CYP7B1: variants seen among roughly 807,000 people sequenced by gnomAD.
CYP7B1 encodes cytochrome P450 family 7 subfamily B member 1, also known as cytochrome P450 7B1.
A neutral mutation model predicts 42.7 loss-of-function variants in CYP7B1; 29 were observed. That is an observed-to-expected ratio of 0.68 (90% CI 0.51 to 0.93). The LOEUF (loss-of-function observed/expected upper bound fraction) is 0.93. Among genes scored for constraint, CYP7B1 ranks in the 40% least tolerant of loss-of-function variants. The pLI is 0.00. For synonymous variants in CYP7B1, 235 were observed against 218.2 expected (o/e 1.08, Z -0.68); for missense variants, 655 against 600.5 (o/e 1.09, Z -0.95).
chr8:64,650,970 T>C (rs1429726048), intron 1 of CYP7B1, among the ~76,000 whole-genome samples: 1 of 152,190 alleles, frequency 6.6e-6, no homozygotes, highest in Non-Finnish European at 1.5e-5. Flanking sequence ...TCATTGGGTG[T>C]ATAAAATGTA....
At chr8:64,647,352 A>T (rs1199027464) in intron 1 of CYP7B1, among the ~76,000 whole-genome samples, 3 of 152,212 alleles carry the variant, frequency 2.0e-5, no homozygotes, top group South Asian at 4.1e-4. Flanking sequence ...TCAAAATGTG[A>T]CACAAAGATA....
At chr8:64,690,449 AT>A (rs202167564) in intron 1 of CYP7B1, among the ~76,000 whole-genome samples, 1 of 151,818 alleles carries the variant, frequency 6.6e-6, no homozygotes, top group Admixed American at 6.6e-5. Context: ...GATGTTGTGT[AT>A]TTTTTTTGGA....
intron 1 of CYP7B1, among the ~76,000 whole-genome samples, chr8:64,639,949 C>T (rs1261326461): frequency 1.3e-5 from 2 of 151,800 alleles, no homozygotes; most frequent in Non-Finnish European, 2.9e-5. Flanking sequence ...AAGAAATGAA[C>T]TGGAAAAGAA....
chr8:64,618,490 T>C (rs953190510), intron 2 of CYP7B1, among the ~76,000 whole-genome samples: 1 of 152,132 alleles, frequency 6.6e-6, no homozygotes, highest in Admixed American at 6.5e-5. Flanking sequence ...CTACCTGTTA[T>C]TGGGCCTACT....
intron 1 of CYP7B1, among the ~76,000 whole-genome samples, chr8:64,792,966 T>A (rs1804644996): frequency 6.6e-6 from 1 of 152,134 alleles, no homozygotes. Context: ...GAGGATATTA[T>A]CCTAAACTAC....
Position 64,625,571 on chromosome 8 carries a change from A to G in CYP7B1, c.123-1032T>C, listed in dbSNP as rs544497973. Among the ~76,000 whole-genome samples the G allele has an allele frequency of 7.2e-5, 11 of 152,348 alleles. No individual in the cohort carries two copies. The South Asian group carries it at 2.3e-3, about 32-fold the overall frequency. ...GTCATGTTATAAATGCTGCTTGATCAGTTTCATCAATGAGACCTAAACTTA... is the reference window on the plus strand; with the variant it reads ...GTCATGTTATAAATGCTGCTTGATCGGTTTCATCAATGAGACCTAAACTTA... On this transcript the variant is annotated intron_variant, in intron 1 of 5. Coordinates refer to ENST00000310193, the MANE Select transcript of CYP7B1 (RefSeq NM_004820.5).
intron 2 of CYP7B1, among the ~76,000 whole-genome samples, chr8:64,624,200 G>C (rs947504820): frequency 6.6e-6 from 1 of 151,748 alleles, no homozygotes; most frequent in Non-Finnish European, 1.5e-5. Flanking sequence ...GGTTCCCTAA[G>C]TACCATGAAG....
chr8:64,708,379 T>C (rs1016494104), intron 1 of CYP7B1, among the ~76,000 whole-genome samples: 2 of 152,188 alleles, frequency 1.3e-5, no homozygotes, highest in Non-Finnish European at 2.9e-5. Flanking sequence ...TCAGCCAATA[T>C]GTCACCACCT....
At chr8:64,709,450 T>G (rs1459452509) in intron 1 of CYP7B1, among the ~76,000 whole-genome samples, 1 of 152,176 alleles carries the variant, frequency 6.6e-6, no homozygotes, top group Non-Finnish European at 1.5e-5. Flanking sequence ...TAAGAAGAAT[T>G]AAATATGTAT....
At chr8:64,609,248 A>C (rs560398092) in intron 4 of CYP7B1, among the ~76,000 whole-genome samples, 1 of 152,232 alleles carries the variant, frequency 6.6e-6, no homozygotes, top group Admixed American at 6.5e-5. Context: ...TCCAATAATT[A>C]ACATATGCAA....
chr8:64,776,633 G>C (rs1381072224), intron 1 of CYP7B1, among the ~76,000 whole-genome samples: 1 of 152,088 alleles, frequency 6.6e-6, no homozygotes, highest in Non-Finnish European at 1.5e-5. Context: ...AAGGGGTGGG[G>C]TTTAGCATAT....
intron 4 of CYP7B1, among the ~76,000 whole-genome samples, chr8:64,614,335 G>C (rs548423092): frequency 2.8e-4 from 42 of 152,236 alleles, no homozygotes; most frequent in Non-Finnish European, 5.0e-4. Flanking sequence ...AAACATACTT[G>C]AAATAGTGAC....
At position 64,594,161 on chromosome 8, in the gene CYP7B1, G is replaced by A. The variant is rs1770521857; in HGVS notation, c.*2481C>T. On this transcript the variant is annotated 3_prime_UTR_variant, in exon 6 of 6. Transcript: ENST00000310193. Reference sequence around the variant, plus strand: ...ACAAGGCATTTAGCAGCCCTGGGCTGAGATGGTTAGGCACAGTAGTGTGAG... The same window carrying A: ...ACAAGGCATTTAGCAGCCCTGGGCTAAGATGGTTAGGCACAGTAGTGTGAG... 6.6e-6 allele frequency among the ~76,000 whole-genome samples: 1 copy of A among 152,164 alleles called. No individual in the cohort carries two copies. Among genetic ancestry groups the A allele is most frequent in the Non-Finnish European group, 1.5e-5 (1 of 68,024 alleles).
chr8:64,685,540 G>A (rs1806614229), intron 1 of CYP7B1, among the ~76,000 whole-genome samples: 2 of 34,840 alleles, frequency 5.7e-5, no homozygotes, highest in African/African-American at 9.5e-5. Context: ...TGTGAGGAGC[G>A]CCTCTGCCCG....
At chr8:64,604,464 A>G (rs958868350) in intron 5 of CYP7B1, among the ~76,000 whole-genome samples, 1 of 152,198 alleles carries the variant, frequency 6.6e-6, no homozygotes, top group Non-Finnish European at 1.5e-5. Flanking sequence ...TAGTCTCATC[A>G]CTGTATTTCT....
At chr8:64,659,830 T>C (rs1469867591) in intron 1 of CYP7B1, among the ~76,000 whole-genome samples, 2 of 152,134 alleles carry the variant, frequency 1.3e-5, no homozygotes, top group Non-Finnish European at 2.9e-5. Context: ...AGTTATCCAA[T>C]AGGCAACAAA....
At chr8:64,760,846 T>G (rs186637632) in intron 1 of CYP7B1, among the ~76,000 whole-genome samples, 2 of 152,246 alleles carry the variant, frequency 1.3e-5, no homozygotes, top group East Asian at 3.9e-4. Flanking sequence ...ATCCCAATAC[T>G]GTGTATATAT....
chr8:64,716,335 T>C (rs1807153895), intron 1 of CYP7B1, among the ~76,000 whole-genome samples: 1 of 152,250 alleles, frequency 6.6e-6, no homozygotes, highest in African/African-American at 2.4e-5. Flanking sequence ...TGTTTCATAG[T>C]TTTTATCCAA....
At chr8:64,670,073 T>C (rs904398000) in intron 1 of CYP7B1, among the ~76,000 whole-genome samples, 3 of 152,218 alleles carry the variant, frequency 2.0e-5, no homozygotes, top group Admixed American at 6.5e-5. Context: ...AAGGACACAA[T>C]TGGCTTAATG....
Sources: allele counts gnomAD v4.1 joint callset (sites outside exome capture counted in the v4.1 genomes callset), GRCh38; gene constraint gnomAD v4.1.1; transcripts MANE v1.5; gene names NCBI Gene and HGNC (gene_info 2026-07-23, HGNC 2026-07-21).